Variants in XRRA1 observed in about 807,000 individuals in gnomAD.
XRRA1 encodes X-ray radiation resistance-associated protein 1.
Under a neutral mutation model 80.2 loss-of-function variants are expected in XRRA1, and 69 were observed. The observed-to-expected ratio is 0.86, with a 90% CI of 0.71 to 1.05. The LOEUF is 1.05. XRRA1 is among the 50% of genes least tolerant of loss of function. The probability of loss-of-function intolerance (pLI) is 0.00; values close to 1 mark genes in which losing one functional copy is unlikely to be tolerated. For missense variants in XRRA1, 967 were observed against 976.4 expected (o/e 0.99, Z 0.13); for synonymous variants, 348 against 389.9 (o/e 0.89, Z 1.27).
At chr11:74,927,064 C>T (rs1255675558) in intron 7 of XRRA1, among the ~76,000 whole-genome samples, 1 of 152,110 alleles carries the variant, frequency 6.6e-6, no homozygotes, top group Non-Finnish European at 1.5e-5. Flanking sequence ...AAAATTCTCC[C>T]TCCTTCAATA....
chr11:74,919,600 A>G (rs1939996862), intron 8 of XRRA1: 3 of 536,644 alleles, frequency 5.6e-6, no homozygotes, highest in East Asian at 9.8e-5. Context: ...GCTCCTGTGA[A>G]GAAGGGTGGC....
At position 74,844,254 on chromosome 11, in the gene XRRA1, G is replaced by C. The variant is rs76814368; in HGVS notation, c.1957C>G (p.Gln653Glu). The C allele has an allele frequency of 1.4e-3, 2,338 of 1,613,494 alleles. 30 individuals carry two copies. The African/African-American group carries it at 0.028, about 19-fold the overall frequency. The change falls in exon 17 of 19, where the codon CAA (glutamine) becomes GAA (glutamate). Residue 653 changes from glutamine to glutamate, a missense_variant. Physicochemically the swap from Gln to Glu is conservative, Grantham distance 29 (BLOSUM62 2). Transcript: ENST00000684022. ...GIQKNAQALQQMLKHPLLCHS... is the reference protein window; with the variant it reads ...GIQKNAQALQEMLKHPLLCHS... ...CACAGGAGTGGGTGCTTCAGCATTT[G>C]TTGCAGGGCTTGTGCATTCTTCTGG...
intron 8 of XRRA1, among the ~76,000 whole-genome samples, chr11:74,908,258 A>G (rs1203839024): frequency 1.3e-5 from 2 of 152,220 alleles, no homozygotes; most frequent in Admixed American, 6.5e-5. Flanking sequence ...CAGATTAACA[A>G]AATGAAGCTC....
intron 10 of XRRA1, among the ~76,000 whole-genome samples, chr11:74,886,367 C>A (rs1591021544): frequency 6.6e-6 from 1 of 152,204 alleles, no homozygotes; most frequent in Non-Finnish European, 1.5e-5. Context: ...AGCAAAGTTT[C>A]AGGATACAAA....
rs1412636135 is a variant in XRRA1, at chr11:74,921,317, C to T, written c.553G>A (p.Val185Met). Residue 185 changes from valine (V) to methionine (M), a missense_variant, in exon 8 of 19, where the codon GTG becomes ATG. Transcript: ENST00000684022. ...FLDLSFNSLT[V>M]EAICDLGILP... ...ATCCCCAAATCACAGATGGCCTCCA[C>T]AGTCAGGCTGTTGAAGGAAAGGTCC... 3 of 1,613,932 alleles carry T rather than the reference C, an allele frequency of 1.9e-6. No homozygotes were observed. The highest frequency in any genetic ancestry group is 1.1e-5 in the South Asian group (1 of 91,078).
chr11:74,896,642 TGGCTTC>T (rs2052389931), intron 10 of XRRA1, among the ~76,000 whole-genome samples: 2 of 152,166 alleles, frequency 1.3e-5, no homozygotes, highest in African/African-American at 4.8e-5. Context: ...AGTGCTGTGT[TGGCTTC>T]GGGTCTGACA....
chr11:74,937,010 C>A lies in XRRA1; in HGVS notation c.153G>T (p.Leu51Phe). The change falls in exon 4 of 19, where the codon TTG becomes TTT. Residue 51 changes from leucine (L) to phenylalanine (F), a missense_variant. Transcript: ENST00000684022. ...CCCGACGTTCAGCTTGTGCTCCAAC[C>A]AAACCCTTGGGCTTCTTCTTGAGGT... ...KGNLKKKPKG[L>F]VGAQAERRES... 6.2e-7 allele frequency: 1 copy of A among 1,613,902 alleles called. No homozygotes were observed. The highest frequency in any genetic ancestry group is 1.1e-5 in the South Asian group (1 of 91,054).
chr11:74,884,281 G>A lies in XRRA1; in HGVS notation c.1004-21260C>T, dbSNP rs191210832. ...TCAGCAGCTGTGTCAATAGAAAAGG[G>A]CTACCTGTGGGCCAGGCATGTCCAA... On this transcript the variant is annotated intron_variant, in intron 10 of 18. Coordinates refer to ENST00000684022, the MANE Select transcript of XRRA1 (RefSeq NM_001378157.1). Among the ~76,000 whole-genome samples the A allele has an allele frequency of 2.0e-4, 31 of 152,282 alleles. No individual in the cohort carries two copies. The East Asian group carries it at 6.0e-3, about 29-fold the overall frequency.
intron 12 of XRRA1, among the ~76,000 whole-genome samples, chr11:74,858,101 G>A (rs529225149): frequency 1.4e-4 from 21 of 152,248 alleles, no homozygotes; most frequent in African/African-American, 5.1e-4. Context: ...AGAAAGTTAT[G>A]AGCAGAAATC....
chr11:74,855,690 C>A (rs935737391), intron 12 of XRRA1, among the ~76,000 whole-genome samples: 1 of 152,168 alleles, frequency 6.6e-6, no homozygotes, highest in East Asian at 1.9e-4. Context: ...ACTTTTGACA[C>A]AACAATTTCT....
chr11:74,939,663 C>T, intron 3 of XRRA1, among the ~76,000 whole-genome samples: 1 of 152,202 alleles, frequency 6.6e-6, no homozygotes, highest in East Asian at 1.9e-4. Flanking sequence ...GTTCTTTTCA[C>T]TGGAGAATGG....
At chr11:74,851,273 C>A in intron 13 of XRRA1, 70 bp from the exon 14 acceptor site, 1 of 1,205,140 alleles carries the variant, frequency 8.3e-7, no homozygotes, top group South Asian at 1.5e-5. Context: ...ATGTGCCAGG[C>A]ACTATTCAAA....
At chr11:74,854,158 G>A (rs865855551) in intron 12 of XRRA1, among the ~76,000 whole-genome samples, 12 of 152,268 alleles carry the variant, frequency 7.9e-5, no homozygotes, top group East Asian at 1.9e-4. Context: ...GTATGTTGGC[G>A]GTACTTTTGA....
rs2042623240 is a variant in XRRA1 at position 74,863,000 on chromosome 11, G to A, written c.1025C>T (p.Pro342Leu). The A allele has an allele frequency of 6.2e-7, 1 of 1,604,414 alleles. No homozygotes were observed. The highest frequency in any genetic ancestry group is 8.5e-7 in the Non-Finnish European group (1 of 1,175,504). The part of the protein sequence containing the change: ...DRTEVVFSSY[P>L]GFSTSETTKI... ...TCCTACCTCTGAGGTTGAAAATCCA[G>A]GGTAAGATGAAAACACAACCTCTGA... Residue 342 changes from proline to leucine, a missense_variant, in exon 11 of 19, where the codon CCT (proline) becomes CTT (leucine). Pro to Leu is a moderately conservative substitution (Grantham distance 98). Coordinates refer to ENST00000684022, the MANE Select transcript of XRRA1 (RefSeq NM_001378157.1).
At chr11:74,907,032 A>C in intron 9 of XRRA1, 113 bp downstream of exon 9, 3 of 1,413,944 alleles carry the variant, frequency 2.1e-6, no homozygotes, top group South Asian at 2.7e-5. Flanking sequence ...AGTAGAGATA[A>C]ATTGTGGAGC....
At position 74,845,232 on chromosome 11, in the gene XRRA1, A is replaced by T. The variant is rs772359850; in HGVS notation, c.1768T>A (p.Leu590Ile). The change falls in exon 16 of 19, where the codon TTA (leucine) becomes ATA (isoleucine). Residue 590 changes from leucine to isoleucine, a missense_variant. Coordinates refer to ENST00000684022, the MANE Select transcript of XRRA1 (RefSeq NM_001378157.1). Reference sequence around the variant, plus strand: ...TTTTGGTCTTTCTCCTTTAACTCTAAATCATCCTTATGGATGACGGAGGAA... The same window carrying T: ...TTTTGGTCTTTCTCCTTTAACTCTATATCATCCTTATGGATGACGGAGGAA... Reference protein sequence around the residue: ...LPSSVIHKDDLELKEKDQKKP... With the variant: ...LPSSVIHKDDIELKEKDQKKP... 1.1e-5 allele frequency: 17 copies of T among 1,613,760 alleles called. No individual in the cohort carries two copies. The highest frequency in any genetic ancestry group is 1.3e-5 in the Non-Finnish European group (15 of 1,179,830).
intron 10 of XRRA1, among the ~76,000 whole-genome samples, chr11:74,890,225 C>G (rs2050272958): frequency 6.6e-6 from 1 of 152,180 alleles, no homozygotes; most frequent in Non-Finnish European, 1.5e-5. Flanking sequence ...TGCAGTCAAA[C>G]TAGAACTCAG....
intron 1 of XRRA1, among the ~76,000 whole-genome samples, chr11:74,947,474 G>A (rs1008450216): frequency 3.3e-5 from 5 of 152,062 alleles, no homozygotes; most frequent in African/African-American, 1.2e-4. Context: ...GGAGGCAGAG[G>A]TTGCAGTGAG....
At chr11:74,887,623 G>C (rs1037976865) in intron 10 of XRRA1, among the ~76,000 whole-genome samples, 1 of 152,216 alleles carries the variant, frequency 6.6e-6, no homozygotes, top group Non-Finnish European at 1.5e-5. Flanking sequence ...GCAGGGCGAG[G>C]CATTGCCTCA....
Sources: allele counts gnomAD v4.1 joint callset (sites outside exome capture counted in the v4.1 genomes callset), GRCh38; gene constraint gnomAD v4.1.1; transcripts MANE v1.5; gene names NCBI Gene and HGNC (gene_info 2026-07-23, HGNC 2026-07-21).